CSMD1: variants seen among roughly 807,000 people sequenced by gnomAD.
CSMD1 encodes CUB and sushi domain-containing protein 1.
Under a neutral mutation model 417.5 loss-of-function variants are expected in CSMD1, and 213 were observed. The observed-to-expected ratio is 0.51, with a 90% CI of 0.46 to 0.57. The LOEUF (loss-of-function observed/expected upper bound fraction) is 0.57, where lower values mean the gene tolerates loss of function less well. Ranked by LOEUF, CSMD1 falls within the 20% of genes least tolerant of loss-of-function variation. CSMD1 has a pLI of 0.00. For synonymous variants in CSMD1, 2,862 were observed against 1,736.8 expected (o/e 1.65, Z -16.11); for missense variants, 6,923 against 4,529.7 (o/e 1.53, Z -15.17).
intron 19 of CSMD1, among the ~76,000 whole-genome samples, chr8:3,367,582 G>C (rs912168072): frequency 2.6e-5 from 4 of 152,096 alleles, no homozygotes; most frequent in African/African-American, 9.7e-5. Context: ...TGAAAATCTA[G>C]CTTTGAAGTT....
At chr8:3,000,815 G>A (rs1807334262) in intron 52 of CSMD1, among the ~76,000 whole-genome samples, 1 of 152,174 alleles carries the variant, frequency 6.6e-6, no homozygotes, top group African/African-American at 2.4e-5. Context: ...CACAGTGAAA[G>A]AACAGGAAGG....
intron 6 of CSMD1, among the ~76,000 whole-genome samples, chr8:3,718,699 T>G (rs890258562): frequency 3.3e-5 from 5 of 152,168 alleles, no homozygotes; most frequent in Non-Finnish European, 5.9e-5. Context: ...TCTTTACTAA[T>G]GTAAAGGGTA....
chr8:2,996,870 G>T (rs1385130642), intron 54 of CSMD1, among the ~76,000 whole-genome samples: 1 of 152,232 alleles, frequency 6.6e-6, no homozygotes, highest in African/African-American at 2.4e-5. Context: ...TAGTTCAGGT[G>T]AAATCAGTAA....
At chr8:3,132,710 G>A (rs1168091429) in intron 41 of CSMD1, among the ~76,000 whole-genome samples, 1 of 152,184 alleles carries the variant, frequency 6.6e-6, no homozygotes, top group Non-Finnish European at 1.5e-5. Context: ...CTGAGCAATT[G>A]TAATCTGCAT....
rs143608304 is a variant in CSMD1, at chr8:3,895,574, G to A, written c.818+102329C>T. Among the ~76,000 whole-genome samples the A allele has an allele frequency of 1.7e-3, 265 of 152,164 alleles. 2 individuals are homozygous for A. The highest frequency in any genetic ancestry group is 1.6e-3 in the Non-Finnish European group (110 of 67,992). On this transcript the variant is annotated intron_variant, in intron 5 of 69. Transcript: ENST00000635120. ...ATAAGCACATGAAATAAGCATATAT[G>A]GATTTACCTTTCTAATGCCCATATA...
chr8:4,449,951 C>G (rs546343657), intron 2 of CSMD1, among the ~76,000 whole-genome samples: 6 of 152,146 alleles, frequency 3.9e-5, no homozygotes, highest in Admixed American at 3.3e-4. Context: ...CAATTTTGCT[C>G]TTTTTCTTGT....
chr8:4,328,570 T>TA (rs992192193), intron 3 of CSMD1, among the ~76,000 whole-genome samples: 4 of 151,892 alleles, frequency 2.6e-5, no homozygotes, highest in Non-Finnish European at 4.4e-5. Context: ...CACAACAATT[T>TA]AAAAAAATGA....
In CSMD1 at chr8:2,978,778, G is replaced by C. The variant is rs369827643; in HGVS notation, c.8400C>G (p.Gly2800=). 1.9e-6 allele frequency: 3 copies of C among 1,613,098 alleles called. No individual in the cohort carries two copies. The highest frequency in any genetic ancestry group is 1.3e-5 in the African/African-American group (1 of 74,928). ...CGTGACGAATGGCATTTTCCACAAA[G>C]CCTGGATCAGAACAGTTCACCACTA... ...TCRVVNCSDP[G]FVENAIRHGQ... The change falls in exon 55 of 70, where the codon GGC becomes GGG. Residue 2800 remains glycine, a synonymous_variant. Transcript: ENST00000635120.
chr8:4,121,512 G>T (rs185959231), intron 3 of CSMD1, among the ~76,000 whole-genome samples: 6 of 151,574 alleles, frequency 4.0e-5, no homozygotes, highest in Non-Finnish European at 5.9e-5. Context: ...AATATTAATT[G>T]TAACCCTGAC....
rs35460301 is a variant in CSMD1 at position 3,315,437 on chromosome 8, AGT to A, written c.3632-6936_3632-6935del. 2.1e-3 allele frequency among the ~76,000 whole-genome samples: 262 copies of A among 124,148 alleles called. 1 individual carries two copies. The highest frequency in any genetic ancestry group is 1.8e-3 in the Admixed American group (22 of 11,898). The allele number at this position is 124,148 out of a possible 152,430, so 81.4% of individuals were successfully genotyped here. ...CAAGAATGAAATTCTAGGTGAAGTGAGTGTGTGTGTGTGTGTGTGTGTGTGAT... is the reference window on the plus strand; with the variant it reads ...CAAGAATGAAATTCTAGGTGAAGTGAGTGTGTGTGTGTGTGTGTGTGTGAT... On this transcript the variant is annotated intron_variant, in intron 23 of 69. Transcript: ENST00000635120.
At chr8:4,036,385 C>G (rs947227084) in intron 3 of CSMD1, among the ~76,000 whole-genome samples, 5 of 152,072 alleles carry the variant, frequency 3.3e-5, no homozygotes, top group African/African-American at 1.2e-4. Context: ...ATGGTATTTT[C>G]CAGCAGTGTA....
At chr8:4,637,756 C>A (rs373038184) in intron 1 of CSMD1, among the ~76,000 whole-genome samples, 198 bp from the exon 2 acceptor site, 5 of 146,616 alleles carry the variant, frequency 3.4e-5, no homozygotes, top group Admixed American at 1.5e-4. Context: ...CTGCAAGCTC[C>A]GCTTCCCGGG....
chr8:3,799,300 G>A (rs1800331360), intron 5 of CSMD1, among the ~76,000 whole-genome samples: 1 of 151,280 alleles, frequency 6.6e-6, no homozygotes, highest in Non-Finnish European at 1.5e-5. Context: ...ACAATGTGCA[G>A]GTTTGTTACA....
chr8:3,164,961 GA>G (rs923489257), intron 37 of CSMD1, among the ~76,000 whole-genome samples: 218 of 149,314 alleles, frequency 1.5e-3, no homozygotes, highest in Middle Eastern at 3.4e-3. Flanking sequence ...ATCCTCTGGG[GA>G]AAAAAAAATT....
intron 25 of CSMD1, among the ~76,000 whole-genome samples, chr8:3,291,719 T>A (rs1186285989): frequency 6.6e-6 from 1 of 152,212 alleles, no homozygotes; most frequent in Non-Finnish European, 1.5e-5. Context: ...TTCTCTCTTT[T>A]CTTCTTTATT....
chr8:3,583,596 T>C (rs906139307), intron 9 of CSMD1, among the ~76,000 whole-genome samples: 2 of 151,994 alleles, frequency 1.3e-5, no homozygotes, highest in African/African-American at 4.8e-5. Context: ...TTCTTGCTGC[T>C]GATACTAAAA....
chr8:4,196,913 G>C (rs1585003865), intron 3 of CSMD1, among the ~76,000 whole-genome samples: 1 of 152,134 alleles, frequency 6.6e-6, no homozygotes, highest in Non-Finnish European at 1.5e-5. Context: ...ACATTTCTAA[G>C]AGTTTGTTCA....
At chr8:3,435,473 C>T (rs991913188) in intron 12 of CSMD1, among the ~76,000 whole-genome samples, 1 of 152,060 alleles carries the variant, frequency 6.6e-6, no homozygotes. Flanking sequence ...ACATTCTGTC[C>T]AATCCTTTCA....
chr8:4,549,645 T>C (rs1172228378), intron 2 of CSMD1, among the ~76,000 whole-genome samples: 1 of 151,894 alleles, frequency 6.6e-6, no homozygotes, highest in African/African-American at 2.4e-5. Flanking sequence ...TCCCAGCACC[T>C]TGGGAGGCTG....
Sources: allele counts gnomAD v4.1 joint callset (sites outside exome capture counted in the v4.1 genomes callset), GRCh38; gene constraint gnomAD v4.1.1; transcripts MANE v1.5; gene names NCBI Gene and HGNC (gene_info 2026-07-23, HGNC 2026-07-21).